ATP11B: variants seen among roughly 807,000 people sequenced by gnomAD.
ATP11B encodes phospholipid-transporting ATPase IF.
A neutral mutation model predicts 157.8 loss-of-function variants in ATP11B; 81 were observed. The ratio of observed to expected loss-of-function variants is 0.51; its 90% CI spans 0.43 to 0.62. The LOEUF is 0.62. Among genes scored for constraint, ATP11B ranks in the 20% least tolerant of loss-of-function variants. ATP11B has a pLI of 0.00. For synonymous variants in ATP11B, 451 were observed against 469.4 expected (o/e 0.96, Z 0.51); for missense variants, 1,165 against 1,402.2 (o/e 0.83, Z 2.70).
At chr3:182,893,665 A>C (rs1404493481) in intron 25 of ATP11B, among the ~76,000 whole-genome samples, 3 of 152,164 alleles carry the variant, frequency 2.0e-5, no homozygotes, top group Non-Finnish European at 4.4e-5. Flanking sequence ...GTGTGCAAGT[A>C]TCTTTTTTGT....
At chr3:182,804,936 A>G (rs1299443000) in intron 1 of ATP11B, among the ~76,000 whole-genome samples, 1 of 151,298 alleles carries the variant, frequency 6.6e-6, no homozygotes, top group Admixed American at 6.6e-5. Flanking sequence ...AGGTTCTTCT[A>G]TGTTGTAGCA....
intron 7 of ATP11B, among the ~76,000 whole-genome samples, chr3:182,841,850 G>A (rs1307873461): frequency 1.3e-5 from 2 of 151,652 alleles, no homozygotes; most frequent in Non-Finnish European, 2.9e-5. Context: ...GTGGTGGCGG[G>A]CACGTGTAGT....
intron 19 of ATP11B, among the ~76,000 whole-genome samples, chr3:182,875,991 A>T (rs1722014486): frequency 6.6e-6 from 1 of 152,132 alleles, no homozygotes; most frequent in African/African-American, 2.4e-5. Flanking sequence ...TCATGCCTGT[A>T]ATCCCAACAC....
chr3:182,880,830 A>G (rs1722372999), intron 20 of ATP11B, 49 bp from the exon 21 acceptor site: 1 of 1,232,282 alleles, frequency 8.1e-7, no homozygotes. Context: ...ATATGAATGC[A>G]AGAAAATTGA....
chr3:182,824,712 T>C (rs1222131094), intron 2 of ATP11B, among the ~76,000 whole-genome samples: 1 of 152,194 alleles, frequency 6.6e-6, no homozygotes, highest in Non-Finnish European at 1.5e-5. Context: ...TAAAGAAGTA[T>C]TGCCTTTTTA....
At position 182,859,410 on chromosome 3, in the gene ATP11B, G is replaced by A. The variant is rs145494811; in HGVS notation, c.1200+51G>A. Reference sequence around the variant, plus strand: ...TCTCTAATTTGTTATTTTTATCAAAGCAATACATGGACAAAGATTAATGTA... The same window carrying A: ...TCTCTAATTTGTTATTTTTATCAAAACAATACATGGACAAAGATTAATGTA... On this transcript the variant is annotated intron_variant, in intron 12 of 29. Coordinates refer to ENST00000323116, the MANE Select transcript of ATP11B (RefSeq NM_014616.3). 264 of 1,425,202 alleles carry A rather than the reference G, an allele frequency of 1.9e-4. 2 individuals are homozygous for A. In the African/African-American group the frequency reaches 2.9e-3, roughly 16 times the overall value. 88.3% of individuals were successfully genotyped at this position (1,425,202 alleles called of 1,614,324 possible).
chr3:182,867,732 C>G (rs543987346), intron 15 of ATP11B, among the ~76,000 whole-genome samples: 1 of 151,894 alleles, frequency 6.6e-6, no homozygotes, highest in African/African-American at 2.4e-5. Context: ...TACAGGCATG[C>G]GCCACTATGC....
intron 10 of ATP11B, 140 bp from the exon 11 acceptor site, chr3:182,857,738 C>A (rs1720518923): frequency 4.1e-6 from 2 of 490,794 alleles, no homozygotes; most frequent in Admixed American, 7.3e-5. Flanking sequence ...TTCTTGAAAA[C>A]AAAAGCTGTG....
In ATP11B at chr3:182,904,589, A is replaced by G. The variant is rs1205553298; in HGVS notation, c.3318+5817A>G. Among the ~76,000 whole-genome samples the G allele has an allele frequency of 6.6e-5, 10 of 152,178 alleles. 1 individual carries two copies. Among genetic ancestry groups the G allele is most frequent in the Admixed American group, 6.5e-4 (10 of 15,282 alleles). ...CTTTTTAATCTTTAATCAAGTTAGT[A>G]CTTCTTAAGGATGATTAAGGCCAGG... On this transcript the variant is annotated intron_variant, in intron 28 of 29. Coordinates refer to ENST00000323116, the MANE Select transcript of ATP11B (RefSeq NM_014616.3).
At chr3:182,869,642 A>G (rs1322353026) in intron 17 of ATP11B, among the ~76,000 whole-genome samples, 2 of 152,230 alleles carry the variant, frequency 1.3e-5, no homozygotes, top group Admixed American at 6.5e-5. Flanking sequence ...ACCCTTATAC[A>G]CATATTGCTG....
chr3:182,864,043 T>C, intron 12 of ATP11B, among the ~76,000 whole-genome samples: 1 of 152,246 alleles, frequency 6.6e-6, no homozygotes, highest in East Asian at 1.9e-4. Context: ...ATTTATTTGC[T>C]TTTTGACTTT....
At chr3:182,910,978 T>C (rs1404679829) in intron 28 of ATP11B, among the ~76,000 whole-genome samples, 1 of 152,242 alleles carries the variant, frequency 6.6e-6, no homozygotes, top group Admixed American at 6.5e-5. Context: ...TTATTGAATT[T>C]AACAGTTATA....
At chr3:182,823,815 C>T (rs1717536122) in intron 2 of ATP11B, among the ~76,000 whole-genome samples, 1 of 151,682 alleles carries the variant, frequency 6.6e-6, no homozygotes. Flanking sequence ...AATAAAAGCT[C>T]TTGAAAACTT....
chr3:182,839,442 G>A (rs1436042330), intron 7 of ATP11B, among the ~76,000 whole-genome samples: 1 of 152,030 alleles, frequency 6.6e-6, no homozygotes, highest in African/African-American at 2.4e-5. Context: ...TTAAATAAAT[G>A]TGTGTATATA....
At chr3:182,879,407 T>TC in intron 19 of ATP11B, 89 bp from the exon 20 acceptor site, 1 of 1,150,350 alleles carries the variant, frequency 8.7e-7, no homozygotes, top group Non-Finnish European at 1.2e-6. Context: ...AAAAGATCCA[T>TC]CTTTCAGTAA....
At chr3:182,800,588 G>A (rs531712287) in intron 1 of ATP11B, among the ~76,000 whole-genome samples, 11 of 152,142 alleles carry the variant, frequency 7.2e-5, no homozygotes, top group Admixed American at 3.3e-4. Flanking sequence ...ACATTCACCT[G>A]TATTGTGAAT....
chr3:182,835,242 T>G (rs1241258275), intron 4 of ATP11B, among the ~76,000 whole-genome samples: 1 of 152,162 alleles, frequency 6.6e-6, no homozygotes, highest in East Asian at 1.9e-4. Context: ...CAAACCTGTG[T>G]TGTTCAAGGG....
chr3:182,858,103 C>T, intron 11 of ATP11B, 75 bp downstream of exon 11: 1 of 1,330,224 alleles, frequency 7.5e-7, no homozygotes, highest in Non-Finnish European at 1.0e-6. Flanking sequence ...GTAGTGACTT[C>T]TGATTGGAGA....
intron 2 of ATP11B, among the ~76,000 whole-genome samples, chr3:182,823,071 T>A (rs1393000654): frequency 6.6e-6 from 1 of 152,248 alleles, no homozygotes; most frequent in Non-Finnish European, 1.5e-5. Flanking sequence ...GGTTGCCTGT[T>A]CACTCTGATG....
Sources: gnomAD v4.1 joint callset for allele counts (sites outside exome capture counted in the v4.1 genomes callset) on GRCh38, gnomAD v4.1.1 for gene constraint, MANE v1.5 for transcripts, NCBI Gene and HGNC (gene_info 2026-07-23, HGNC 2026-07-21) for gene names.